The following SLC35E4 variants were observed in gnomAD, a reference collection of about 807,000 sequenced individuals.
SLC35E4 encodes the protein solute carrier family 35 member E4.
A neutral mutation model predicts 19.3 loss-of-function variants in SLC35E4; 15 were observed. The observed-to-expected ratio is 0.78, with a 90% CI of 0.52 to 1.20. SLC35E4 has a LOEUF of 1.20. SLC35E4 is among the 50% of genes most tolerant of loss of function. SLC35E4 has a pLI of 0.00. For synonymous variants in SLC35E4, 219 were observed against 219.9 expected (o/e 1.00, Z 0.04); for missense variants, 406 against 472.3 (o/e 0.86, Z 1.30).
Position 30,646,600 on chromosome 22 carries a change from G to C in SLC35E4, c.622G>C (p.Ala208Pro). The C allele has an allele frequency of 6.3e-7, 1 of 1,593,940 alleles. No homozygotes were observed. Among genetic ancestry groups the C allele is most frequent in the Non-Finnish European group, 8.6e-7 (1 of 1,168,544 alleles). The change falls in exon 2 of 2, where the codon GCC becomes CCC. Residue 208 changes from alanine (A) to proline (P), a missense_variant and splice_region_variant. Transcript: ENST00000343605. Reference protein sequence around the residue: ...LRGLKSVQQSALLQEERLDAV... With the variant: ...LRGLKSVQQSPLLQEERLDAV... ...TCATGGCGGTTGTCCTGTTGCAGGT[G>C]CCCTGCTGCAGGAGGAGAGGCTGGA...
At chr22:30,666,644 A>AAAAAAAAAAAC, downstream of SLC35E4, among the ~76,000 whole-genome samples, 1 of 151,204 alleles carries the variant, frequency 6.6e-6, no homozygotes, top group Non-Finnish European at 1.5e-5. Flanking sequence ...AAAAAAAAAA[A>AAAAAAAAAAAC]AAGCAATCTC....
At chr22:30,654,298 T>G (rs568810337) in intron 2 of SLC35E4, 3 of 457,534 alleles carry the variant, frequency 6.6e-6, no homozygotes, top group African/African-American at 6.0e-5. Flanking sequence ...CATGAGCTGT[T>G]TCTTATTCTG....
chr22:30,665,701 T>G, downstream of SLC35E4: 1 of 341,694 alleles, frequency 2.9e-6, no homozygotes, highest in South Asian at 2.4e-5. Flanking sequence ...GTCTGATTAT[T>G]TGATTAATGT....
chr22:30,654,709 C>A, intron 2 of SLC35E4: 1 of 375,328 alleles, frequency 2.7e-6, no homozygotes. Flanking sequence ...ACTGATGCCC[C>A]CGCAGTGTAC....
intron 1 of SLC35E4, among the ~76,000 whole-genome samples, chr22:30,642,062 A>AT (rs1602074149): frequency 6.6e-6 from 1 of 152,032 alleles, no homozygotes; most frequent in African/African-American, 2.4e-5. Flanking sequence ...TTGCTCTGTC[A>AT]TCCAGGCTGG....
chr22:30,637,144 A>G, intron 1 of SLC35E4, 75 bp downstream of exon 1: 1 of 1,499,456 alleles, frequency 6.7e-7, no homozygotes, highest in Non-Finnish European at 8.9e-7. Context: ...TGTGAGGGGT[A>G]TGGCTGTTGT....
Position 30,637,008 on chromosome 22 carries a change from T to C in SLC35E4, c.558T>C (p.Pro186=), listed in dbSNP as rs746089871. The C allele has an allele frequency of 1.2e-6, 2 of 1,602,556 alleles. No individual in the cohort carries two copies. The highest frequency in any genetic ancestry group is 2.2e-5 in the South Asian group (2 of 90,666). The change falls in exon 1 of 2, where the codon CCT becomes CCC. Residue 186 remains proline, a synonymous_variant. Transcript: ENST00000343605. ...CSLAGEFRTP[P]TGCGFLLAAT... is the part of the protein sequence containing the mutation. ...TGGCTGGAGAGTTCCGGACACCCCC[T>C]ACCGGCTGTGGCTTCCTGCTCGCAG...
chr22:30,640,800 A>G (rs1005400038), intron 1 of SLC35E4, among the ~76,000 whole-genome samples: 4 of 152,236 alleles, frequency 2.6e-5, no homozygotes, highest in African/African-American at 9.6e-5. Flanking sequence ...GATGGAGTCC[A>G]AGGGGCCTCT....
rs564414944 is a variant in SLC35E4 at position 30,639,307 on chromosome 22, G to A, written c.619+2238G>A. ...ATAGGATGTGGGTCACAGAGACCAC[G>A]TGCTTCACAAGGTAATAGAATATCA... On this transcript the variant is annotated intron_variant, in intron 1 of 1. Coordinates refer to ENST00000343605, the MANE Select transcript of SLC35E4 (RefSeq NM_001001479.4). Among the ~76,000 whole-genome samples the A allele has an allele frequency of 2.6e-4, 40 of 152,264 alleles. 1 individual carries two copies. The highest frequency in any genetic ancestry group is 6.8e-3 in the Middle Eastern group (2 of 294).
downstream of SLC35E4, among the ~76,000 whole-genome samples, chr22:30,648,375 C>T (rs745355687): frequency 2.0e-5 from 3 of 152,126 alleles, no homozygotes; most frequent in Admixed American, 6.6e-5. Context: ...GTCCAGTCCC[C>T]GCTTCCTACA....
Position 30,647,266 on chromosome 22 carries a change from C to A in SLC35E4, c.*235C>A. ...TAGAAAAATTAGCTGGGCATGGTGG[C>A]GCGTGCCTATAGTCCCAGCTACATG... On this transcript the variant is annotated 3_prime_UTR_variant, in exon 2 of 2. Coordinates refer to ENST00000343605, the MANE Select transcript of SLC35E4 (RefSeq NM_001001479.4). The A allele has an allele frequency of 1.8e-6, 1 of 548,466 alleles. No homozygotes were observed. The highest frequency in any genetic ancestry group is 2.4e-5 in the South Asian group (1 of 42,396). 34.0% of individuals were successfully genotyped at this position (548,466 alleles called of 1,614,324 possible).
In SLC35E4 at chr22:30,658,420, G is replaced by C. The variant is rs375638221; in HGVS notation, c.*9-3640G>C. On this transcript the variant is annotated intron_variant, in intron 2 of 2. Coordinates refer to the SLC35E4 transcript ENST00000406566. ...TTTTGGGGGTAGCAGCAGTAACAGTGGTGGCCAGAAAAGCACCTAAAACTC... is the reference window on the plus strand; with the variant it reads ...TTTTGGGGGTAGCAGCAGTAACAGTCGTGGCCAGAAAAGCACCTAAAACTC... 8.6e-5 allele frequency among the ~76,000 whole-genome samples: 13 copies of C among 151,590 alleles called. No homozygotes were observed. In the South Asian group the frequency reaches 1.9e-3, roughly 22 times the overall value.
chr22:30,663,795 G>A, downstream of SLC35E4: 3 of 1,614,220 alleles, frequency 1.9e-6, no homozygotes, highest in South Asian at 1.1e-5. Context: ...GTCAGCCACA[G>A]GTACCTGCAT....
At position 30,646,914 on chromosome 22, in the gene SLC35E4, C is replaced by G; in HGVS notation, c.936C>G (p.Tyr312Ter). ...GCAGCCGCCTCAGTGCCCTCAGCTACGTGGGCATCGCACTCACTCTTTCAG... is the reference window on the plus strand; with the variant it reads ...GCAGCCGCCTCAGTGCCCTCAGCTAGGTGGGCATCGCACTCACTCTTTCAG... ...LFGSRLSALS[Y>*]VGIALTLSGM... The change falls in exon 2 of 2, where the codon TAC becomes TAG. Residue 312 changes from tyrosine to a stop codon, truncating the protein, a stop_gained. Transcript: ENST00000343605. LOFTEE classifies it high-confidence loss of function. The G allele has an allele frequency of 6.2e-7, 1 of 1,614,240 alleles. No homozygotes were observed. Among genetic ancestry groups the G allele is most frequent in the Non-Finnish European group, 8.5e-7 (1 of 1,180,048 alleles).
At chr22:30,641,936 G>T (rs1023283993) in intron 1 of SLC35E4, among the ~76,000 whole-genome samples, 2 of 152,050 alleles carry the variant, frequency 1.3e-5, no homozygotes, top group Non-Finnish European at 2.9e-5. Context: ...AGTTTAGGGG[G>T]CTAGAGGCCC....
chr22:30,656,246 G>C lies in SLC35E4; in HGVS notation c.*9-5814G>C, dbSNP rs149103757. 9.2e-4 allele frequency among the ~76,000 whole-genome samples: 140 copies of C among 152,110 alleles called. 1 individual carries two copies. Among genetic ancestry groups the C allele is most frequent in the Middle Eastern group, 3.4e-3 (1 of 294 alleles). ...CCTGCCTCAGCCACCCAAAGGGCTGGGATTACAGGCATGAGCCACTGCACT... is the reference window on the plus strand; with the variant it reads ...CCTGCCTCAGCCACCCAAAGGGCTGCGATTACAGGCATGAGCCACTGCACT... On this transcript the variant is annotated intron_variant, in intron 2 of 2. Transcript: ENST00000406566.
intron 1 of SLC35E4, among the ~76,000 whole-genome samples, chr22:30,643,316 T>A (rs2145579839): frequency 6.6e-6 from 1 of 152,328 alleles, no homozygotes; most frequent in South Asian, 2.1e-4. Flanking sequence ...GAGATCATGA[T>A]GGCAGAAAAG....
At chr22:30,665,646 C>T (rs1438452130), downstream of SLC35E4, 5 of 431,280 alleles carry the variant, frequency 1.2e-5, no homozygotes, top group Non-Finnish European at 2.4e-5. Context: ...GCCCTATGTT[C>T]TCTCCTTCCT....
At chr22:30,650,315 A>G (rs965853758), downstream of SLC35E4, among the ~76,000 whole-genome samples, 1 of 149,072 alleles carries the variant, frequency 6.7e-6, no homozygotes, top group Non-Finnish European at 1.5e-5. Flanking sequence ...CTGGGGGACA[A>G]GAGCAAGACT....
Sources: gnomAD v4.1 joint callset for allele counts (sites outside exome capture counted in the v4.1 genomes callset) on GRCh38, gnomAD v4.1.1 for gene constraint, MANE v1.5 for transcripts, NCBI Gene and HGNC (gene_info 2026-07-23, HGNC 2026-07-21) for gene names.